PHACTR1: variants seen among roughly 807,000 people sequenced by gnomAD.
The protein encoded by PHACTR1 is phosphatase and actin regulator 1, also known as RPEL repeat containing 1.
In PHACTR1, 16 loss-of-function variants were observed where a neutral mutation model predicts 69.2. The observed-to-expected ratio is 0.23, with a 90% CI of 0.16 to 0.35. The LOEUF is 0.35. PHACTR1 is among the 10% of genes least tolerant of loss of function. PHACTR1 has a pLI of 1.00. For synonymous variants in PHACTR1, 312 were observed against 284.5 expected (o/e 1.10, Z -0.97); for missense variants, 510 against 734.7 (o/e 0.69, Z 3.54).
At position 13,160,325 on chromosome 6, in the gene PHACTR1, T is replaced by C. The variant is rs142347332; in HGVS notation, c.496+41T>C. On this transcript the variant is annotated intron_variant, in intron 6 of 14. Transcript: ENST00000332995. The stretch of plus-strand genomic sequence containing the variant: ...CTGTCATCCCCGGGTCAAAGAGTCA[T>C]GCGTGGAATCTGCATGCATATTGCT... The C allele has an allele frequency of 3.1e-3, 4,866 of 1,548,386 alleles. 178 individuals are homozygous for C. In the Admixed American group the frequency reaches 0.066, roughly 21 times the overall value.
intron 4 of PHACTR1, among the ~76,000 whole-genome samples, chr6:12,985,528 T>TAA (rs149850503): frequency 1.4e-3 from 193 of 134,888 alleles, no homozygotes; most frequent in Middle Eastern, 4.0e-3. Context: ...TACTACAAAT[T>TAA]AAAAAAAAAA....
chr6:13,234,106 C>T lies in PHACTR1; in HGVS notation c.1391+3913C>T, dbSNP rs115101533. On this transcript the variant is annotated intron_variant, in intron 10 of 14. Transcript: ENST00000332995. ...GTTTTAGGGACTATTCCCTTTAGAACTGAGAGCTCAACTCTGTGCTTCTAG... is the reference window on the plus strand; with the variant it reads ...GTTTTAGGGACTATTCCCTTTAGAATTGAGAGCTCAACTCTGTGCTTCTAG... Among the ~76,000 whole-genome samples the T allele has an allele frequency of 2.2e-3, 337 of 152,306 alleles. 1 individual carries two copies. Among genetic ancestry groups the T allele is most frequent in the African/African-American group, 7.6e-3 (315 of 41,582 alleles).
intron 5 of PHACTR1, among the ~76,000 whole-genome samples, chr6:13,124,829 TTATAAG>T (rs1819276742): frequency 6.6e-6 from 1 of 152,196 alleles, no homozygotes; most frequent in Non-Finnish European, 1.5e-5. Flanking sequence ...GTGTCTCTTC[TTATAAG>T]TATGTCTATG....
chr6:13,198,538 T>C (rs570443518), intron 7 of PHACTR1, among the ~76,000 whole-genome samples: 2 of 152,120 alleles, frequency 1.3e-5, no homozygotes, highest in South Asian at 4.2e-4. Flanking sequence ...TCCAACCTTT[T>C]GGCTTCCCTG....
chr6:12,775,707 A>C (rs1347771139), intron 4 of PHACTR1, among the ~76,000 whole-genome samples: 3 of 152,168 alleles, frequency 2.0e-5, no homozygotes, highest in Admixed American at 6.5e-5. Context: ...CTCTAACTCT[A>C]GTACATTTTT....
chr6:12,928,022 A>G (rs1788456023), intron 4 of PHACTR1, among the ~76,000 whole-genome samples: 1 of 152,112 alleles, frequency 6.6e-6, no homozygotes, highest in Non-Finnish European at 1.5e-5. Flanking sequence ...TTGTCAGCTC[A>G]CATTCAATTT....
At chr6:12,769,038 A>G (rs1769046287) in intron 4 of PHACTR1, among the ~76,000 whole-genome samples, 1 of 152,198 alleles carries the variant, frequency 6.6e-6, no homozygotes, top group African/African-American at 2.4e-5. Context: ...AGAGAGTGGA[A>G]TGGTGGTTAC....
At chr6:13,036,663 A>T (rs2127703039) in intron 4 of PHACTR1, among the ~76,000 whole-genome samples, 1 of 152,346 alleles carries the variant, frequency 6.6e-6, no homozygotes, top group South Asian at 2.1e-4. Context: ...GAAACGTGGT[A>T]GCCTCTAATC....
intron 4 of PHACTR1, among the ~76,000 whole-genome samples, chr6:12,829,361 A>T (rs1010894018): frequency 2.6e-5 from 4 of 152,168 alleles, no homozygotes; most frequent in African/African-American, 9.7e-5. Flanking sequence ...GCCTTGAGGA[A>T]CTCTTAGGTT....
chr6:13,046,191 C>A (rs1010528263), intron 4 of PHACTR1, among the ~76,000 whole-genome samples: 1 of 152,030 alleles, frequency 6.6e-6, no homozygotes, highest in African/African-American at 2.4e-5. Flanking sequence ...ATGTAAGTGG[C>A]GTTTCCTCTG....
chr6:12,902,580 C>T (rs1042826235), intron 4 of PHACTR1, among the ~76,000 whole-genome samples: 1 of 152,172 alleles, frequency 6.6e-6, no homozygotes, highest in African/African-American at 2.4e-5. Flanking sequence ...CATCAACAAA[C>T]AGTGTCCCAG....
At chr6:12,794,857 G>A (rs1418589301) in intron 4 of PHACTR1, among the ~76,000 whole-genome samples, 1 of 152,148 alleles carries the variant, frequency 6.6e-6, no homozygotes. Flanking sequence ...AACGTAGAGG[G>A]GAGGCAGGGG....
intron 5 of PHACTR1, among the ~76,000 whole-genome samples, chr6:13,141,454 T>C (rs1181187209): frequency 6.6e-6 from 1 of 152,230 alleles, no homozygotes; most frequent in Non-Finnish European, 1.5e-5. Context: ...GCTTCCACTA[T>C]GCGTGTGACA....
rs548633360 is a variant in PHACTR1, at chr6:12,966,749, TTA to T, written c.251-86614_251-86613del. ...GAAAAAATTGGACATTTTATTTGTG[TTA>T]TGTTATATTGTGCTGTTTAGTAAAA... On this transcript the variant is annotated intron_variant, in intron 4 of 14. Coordinates refer to ENST00000332995, the MANE Select transcript of PHACTR1 (RefSeq NM_030948.6). Among the ~76,000 whole-genome samples the T allele has an allele frequency of 1.4e-4, 22 of 152,336 alleles. No individual in the cohort carries two copies. The East Asian group carries it at 4.1e-3, about 28-fold the overall frequency.
intron 5 of PHACTR1, among the ~76,000 whole-genome samples, chr6:13,140,288 T>C (rs1474076053): frequency 4.6e-5 from 7 of 152,300 alleles, no homozygotes; most frequent in African/African-American, 1.7e-4. Context: ...TCTGGGTATA[T>C]ATCCAAAATA....
At chr6:12,946,587 C>T (rs1444832738) in intron 4 of PHACTR1, among the ~76,000 whole-genome samples, 1 of 151,484 alleles carries the variant, frequency 6.6e-6, no homozygotes, top group Non-Finnish European at 1.5e-5. Context: ...AAAAGTAAGG[C>T]CAAAAAATGG....
chr6:13,132,309 G>A (rs1820589732), intron 5 of PHACTR1, among the ~76,000 whole-genome samples: 1 of 152,148 alleles, frequency 6.6e-6, no homozygotes, highest in South Asian at 2.1e-4. Flanking sequence ...GCACCTGCCT[G>A]TGGGGACTGC....
intron 4 of PHACTR1, among the ~76,000 whole-genome samples, chr6:12,954,131 G>A (rs1791605192): frequency 6.6e-6 from 1 of 152,068 alleles, no homozygotes; most frequent in African/African-American, 2.4e-5. Flanking sequence ...ATTCCAGGCA[G>A]ACGAAACAGA....
At chr6:13,144,221 G>A (rs1449415955) in intron 5 of PHACTR1, among the ~76,000 whole-genome samples, 3 of 152,076 alleles carry the variant, frequency 2.0e-5, no homozygotes, top group Non-Finnish European at 4.4e-5. Context: ...GAGCAATAAA[G>A]GACGAGAAGG....
Sources: gnomAD v4.1 joint callset for allele counts (sites outside exome capture counted in the v4.1 genomes callset) on GRCh38, gnomAD v4.1.1 for gene constraint, MANE v1.5 for transcripts, NCBI Gene and HGNC (gene_info 2026-07-23, HGNC 2026-07-21) for gene names.